Variants in RHOBTB2 observed in about 807,000 individuals in gnomAD.
RHOBTB2 encodes Rho related BTB domain containing 2.
A neutral mutation model predicts 66.5 loss-of-function variants in RHOBTB2; 39 were observed. That is an observed-to-expected ratio of 0.59 (90% CI 0.45 to 0.77). The LOEUF (loss-of-function observed/expected upper bound fraction) is 0.77, where lower values mean the gene tolerates loss of function less well. RHOBTB2 is among the 30% of genes least tolerant of loss of function. The probability of loss-of-function intolerance (pLI) is 0.00; values close to 1 mark genes in which losing one functional copy is unlikely to be tolerated. For synonymous variants in RHOBTB2, 390 were observed against 395.0 expected, an observed-to-expected ratio of 0.99 and a Z score of 0.15; for missense variants, 755 against 999.1, an observed-to-expected ratio of 0.76 and a Z score of 3.29.
At chr8:22,983,555 G>A (rs906820485), upstream of RHOBTB2, among the ~76,000 whole-genome samples, 7 of 151,826 alleles carry the variant, frequency 4.6e-5, no homozygotes, top group Non-Finnish European at 1.0e-4. Flanking sequence ...AGTAAAGCAT[G>A]AGTAAAAAAA....
chr8:22,973,023 C>G, the RHOBTB2 span, among the ~76,000 whole-genome samples: 1 of 152,208 alleles, frequency 6.6e-6, no homozygotes, highest in Non-Finnish European at 1.5e-5. Flanking sequence ...CTCCAGCCTT[C>G]ACTCCCTTCC....
chr8:23,005,338 G>A, intron 2 of RHOBTB2, 34 bp from the exon 3 acceptor site: 1 of 1,547,568 alleles, frequency 6.5e-7, no homozygotes, highest in Non-Finnish European at 8.9e-7. Flanking sequence ...CAAAACTGCT[G>A]CCTTCGAGTC....
At chr8:22,973,752 C>CA in the RHOBTB2 span, among the ~76,000 whole-genome samples, 1 of 152,174 alleles carries the variant, frequency 6.6e-6, no homozygotes, top group African/African-American at 2.4e-5. Flanking sequence ...ATGTCAGAGG[C>CA]AGAGGCTGCT....
chr8:22,974,366 C>T, the RHOBTB2 span, among the ~76,000 whole-genome samples: 2 of 152,130 alleles, frequency 1.3e-5, no homozygotes, highest in Admixed American at 1.3e-4. Flanking sequence ...TTCATTTGAC[C>T]TATATTAAGC....
chr8:22,990,854 C>T (rs1185897887), intron 1 of RHOBTB2, among the ~76,000 whole-genome samples: 2 of 152,160 alleles, frequency 1.3e-5, no homozygotes, highest in Non-Finnish European at 2.9e-5. Context: ...AGCTCAGCAT[C>T]GGCTTCTTGC....
In RHOBTB2 at chr8:23,006,808, C is replaced by T; in HGVS notation, c.563C>T (p.Thr188Ile). 1 of 1,614,134 alleles carries T rather than the reference C, an allele frequency of 6.2e-7. No homozygotes were observed. The highest frequency in any genetic ancestry group is 8.5e-7 in the Non-Finnish European group (1 of 1,180,016). Reference protein sequence around the residue: ...AKELGIPYYETSVVAQFGIKD... With the variant: ...AKELGIPYYEISVVAQFGIKD... The stretch of plus-strand genomic sequence containing the variant: ...GAGCTGGGCATCCCCTACTATGAGA[C>T]CAGCGTGGTGGCCCAGTTCGGCATC... The change falls in exon 5 of 10, where the codon ACC (threonine) becomes ATC (isoleucine). Residue 188 changes from threonine (T) to isoleucine (I), a missense_variant. Thr to Ile is a moderately conservative substitution (Grantham distance 89). Coordinates refer to ENST00000251822, the MANE Select transcript of RHOBTB2 (RefSeq NM_015178.3). The surrounding 1 kb of genome is among the most constrained non-coding windows in gnomAD (Gnocchi z 6.1).
chr8:22,989,336 C>T (rs1810367127), intron 1 of RHOBTB2, among the ~76,000 whole-genome samples: 1 of 152,158 alleles, frequency 6.6e-6, no homozygotes, highest in Admixed American at 6.5e-5. Flanking sequence ...TTAGTAGAGA[C>T]AGGGTTTCAT....
rs747536882 is a variant in RHOBTB2, at chr8:23,006,945, C to T, written c.700C>T (p.Leu234=). The T allele has an allele frequency of 8.7e-6, 14 of 1,612,816 alleles. No individual in the cohort carries two copies. In the African/African-American group the frequency reaches 1.1e-4, roughly 12 times the overall value. ...VQRPLLQAPF[L]PPKPPPPIIV... The stretch of plus-strand genomic sequence containing the variant: ...GCGGCCTCTGCTGCAGGCACCCTTC[C>T]TACCCCCCAAGCCACCGCCCCCGAT... Residue 234 remains leucine, a synonymous_variant, in exon 5 of 10, where the codon CTA becomes TTA. Coordinates refer to ENST00000251822, the MANE Select transcript of RHOBTB2 (RefSeq NM_015178.3). This position sits in a 1 kb window ranked among gnomAD's most constrained non-coding sequence, Gnocchi z 6.1.
At chr8:22,953,492 C>T in the RHOBTB2 span, among the ~76,000 whole-genome samples, 2 of 152,230 alleles carry the variant, frequency 1.3e-5, no homozygotes, top group African/African-American at 2.4e-5. Flanking sequence ...AGACCTTGCT[C>T]TTGTTCATTG....
chr8:22,988,209 G>T (rs1349699165), intron 1 of RHOBTB2, among the ~76,000 whole-genome samples: 2 of 141,884 alleles, frequency 1.4e-5, no homozygotes, highest in Non-Finnish European at 3.0e-5. Flanking sequence ...ACCCAGGTTG[G>T]AGTGCAATGG....
At chr8:22,975,243 C>T in the RHOBTB2 span, among the ~76,000 whole-genome samples, 1 of 152,170 alleles carries the variant, frequency 6.6e-6, no homozygotes, top group Non-Finnish European at 1.5e-5. Context: ...CCTTCACCTG[C>T]CCCACCCTGT....
chr8:23,001,697 G>C (rs185290969), intron 1 of RHOBTB2, among the ~76,000 whole-genome samples: 2 of 152,276 alleles, frequency 1.3e-5, no homozygotes, highest in South Asian at 2.1e-4. Flanking sequence ...TTTCCCAGAG[G>C]GGGAGACTGA....
chr8:22,951,749 T>A, the RHOBTB2 span, among the ~76,000 whole-genome samples: 2 of 152,154 alleles, frequency 1.3e-5, no homozygotes, highest in African/African-American at 4.8e-5. Flanking sequence ...TATTTTCACT[T>A]CTTTTGTGGA....
chr8:23,010,717 C>T, intron 7 of RHOBTB2, 29 bp downstream of exon 7: 1 of 1,610,620 alleles, frequency 6.2e-7, no homozygotes, highest in Non-Finnish European at 8.5e-7. Flanking sequence ...CGGGGACCTC[C>T]CCGCGGCAGA....
At chr8:22,988,580 A>T (rs1279912187) in intron 1 of RHOBTB2, among the ~76,000 whole-genome samples, 1 of 152,086 alleles carries the variant, frequency 6.6e-6, no homozygotes, top group African/African-American at 2.4e-5. Context: ...AGAGAAACTG[A>T]GCAGCATCCC....
chr8:22,951,456 C>T, the RHOBTB2 span, among the ~76,000 whole-genome samples: 37 of 152,196 alleles, frequency 2.4e-4, no homozygotes, highest in Non-Finnish European at 5.0e-4. Flanking sequence ...CACCTGGGTG[C>T]AGGCGGGCTG....
intron 7 of RHOBTB2, among the ~76,000 whole-genome samples, chr8:23,011,018 C>T (rs907430609): frequency 2.6e-5 from 4 of 152,160 alleles, no homozygotes; most frequent in African/African-American, 9.7e-5. Flanking sequence ...TCACTTGAGG[C>T]CAGGAGTTTA....
chr8:22,976,589 A>G, the RHOBTB2 span, among the ~76,000 whole-genome samples: 1 of 152,232 alleles, frequency 6.6e-6, no homozygotes, highest in African/African-American at 2.4e-5. Context: ...GTTGGGGTAA[A>G]TGTCAGAAGC....
the RHOBTB2 span, among the ~76,000 whole-genome samples, chr8:22,952,083 C>T: frequency 2.0e-5 from 3 of 152,142 alleles, no homozygotes; most frequent in African/African-American, 7.2e-5. Context: ...CCAGGCATTC[C>T]CTACAGGGCA....
Sources: gnomAD v4.1 joint callset for allele counts (sites outside exome capture counted in the v4.1 genomes callset) on GRCh38, gnomAD v4.1.1 for gene constraint, Gnocchi (gnomAD v3.1) non-coding constraint, MANE v1.5 for transcripts, NCBI Gene and HGNC (gene_info 2026-07-23, HGNC 2026-07-21) for gene names.